Variants in RBMS3 observed in about 807,000 individuals in gnomAD.
The protein encoded by RBMS3 is RNA-binding motif, single-stranded-interacting protein 3.
Under a neutral mutation model 66.8 loss-of-function variants are expected in RBMS3, and 27 were observed. The observed-to-expected ratio is 0.40, with a 90% CI of 0.30 to 0.56. The LOEUF (loss-of-function observed/expected upper bound fraction) is 0.56, where lower values mean the gene tolerates loss of function less well. RBMS3 is among the 20% of genes least tolerant of loss of function. The probability of loss-of-function intolerance (pLI) is 0.40; values close to 1 mark genes in which losing one functional copy is unlikely to be tolerated. For missense variants in RBMS3, 513 were observed against 549.5 expected (o/e 0.93, Z 0.66); for synonymous variants, 188 against 183.0 (o/e 1.03, Z -0.22).
chr3:29,496,933 G>T (rs1384600655), intron 3 of RBMS3, among the ~76,000 whole-genome samples: 1 of 152,102 alleles, frequency 6.6e-6, no homozygotes, highest in African/African-American at 2.4e-5. Context: ...GCATCAACTT[G>T]TGTTCAATAG....
chr3:29,802,162 A>C (rs2057409555), intron 6 of RBMS3, among the ~76,000 whole-genome samples: 1 of 152,196 alleles, frequency 6.6e-6, no homozygotes, highest in Non-Finnish European at 1.5e-5. Flanking sequence ...CCTGACAGCA[A>C]GCCTGAGTAT....
At chr3:29,827,768 A>G (rs1467116051) in intron 6 of RBMS3, among the ~76,000 whole-genome samples, 1 of 152,196 alleles carries the variant, frequency 6.6e-6, no homozygotes, top group Non-Finnish European at 1.5e-5. Flanking sequence ...ACAATGAATG[A>G]ATCCAAACAG....
intron 1 of RBMS3, among the ~76,000 whole-genome samples, chr3:29,309,360 G>C (rs1042577984): frequency 1.3e-5 from 2 of 151,756 alleles, no homozygotes; most frequent in South Asian, 2.1e-4. Flanking sequence ...TTATCTTGAA[G>C]TTTAAAATAA....
At chr3:29,665,297 C>T (rs58194232) in intron 4 of RBMS3, among the ~76,000 whole-genome samples, 5,197 of 152,314 alleles carry the variant, frequency 0.034, 187 homozygotes, top group African/African-American at 0.086. Context: ...TCAAGGAAGA[C>T]ACAGCCAATT....
intron 4 of RBMS3, among the ~76,000 whole-genome samples, chr3:29,649,054 A>G (rs2050049191): frequency 6.6e-6 from 1 of 152,200 alleles, no homozygotes; most frequent in Non-Finnish European, 1.5e-5. Flanking sequence ...CAGAATTAAT[A>G]TGATTTTAAT....
At chr3:29,930,700 T>C (rs2061096624) in intron 10 of RBMS3, among the ~76,000 whole-genome samples, 1 of 151,864 alleles carries the variant, frequency 6.6e-6, no homozygotes, top group Non-Finnish European at 1.5e-5. Context: ...AAATGAAATA[T>C]GTACATATAC....
chr3:29,917,252 T>TA (rs1170697626), intron 10 of RBMS3, among the ~76,000 whole-genome samples: 4 of 152,082 alleles, frequency 2.6e-5, no homozygotes, highest in Admixed American at 2.0e-4. Flanking sequence ...CAGATTTTGG[T>TA]AAAAATAGCA....
At chr3:29,683,603 C>T (rs1043483187) in intron 4 of RBMS3, among the ~76,000 whole-genome samples, 1 of 152,176 alleles carries the variant, frequency 6.6e-6, no homozygotes, top group African/African-American at 2.4e-5. Flanking sequence ...CACACACACA[C>T]ACAAACACAC....
At chr3:29,303,808 C>T (rs2033832423) in intron 1 of RBMS3, among the ~76,000 whole-genome samples, 1 of 151,928 alleles carries the variant, frequency 6.6e-6, no homozygotes, top group Non-Finnish European at 1.5e-5. Context: ...ATAACCGACA[C>T]TGGGAAGAAA....
intron 1 of RBMS3, among the ~76,000 whole-genome samples, chr3:29,316,668 T>TACAAAA (rs1347121873): frequency 6.6e-6 from 1 of 151,484 alleles, no homozygotes; most frequent in African/African-American, 2.4e-5. Context: ...TTAATTATAT[T>TACAAAA]ACAAAAACAG....
intron 1 of RBMS3, among the ~76,000 whole-genome samples, chr3:29,325,156 A>G (rs1023276387): frequency 6.6e-6 from 1 of 152,208 alleles, no homozygotes; most frequent in Admixed American, 6.5e-5. Flanking sequence ...ATTAAGTTGT[A>G]AGTATCTCCA....
At chr3:29,816,480 GTTA>G (rs2057907081) in intron 6 of RBMS3, among the ~76,000 whole-genome samples, 1 of 152,106 alleles carries the variant, frequency 6.6e-6, no homozygotes, top group African/African-American at 2.4e-5. Context: ...AGCCTCTGCT[GTTA>G]TTATCATTTG....
intron 6 of RBMS3, among the ~76,000 whole-genome samples, chr3:29,821,696 G>A (rs1008036216): frequency 2.0e-5 from 3 of 152,180 alleles, no homozygotes; most frequent in Admixed American, 2.0e-4. Context: ...AATTCCAGGA[G>A]ATCTGAATCA....
intron 12 of RBMS3, among the ~76,000 whole-genome samples, chr3:29,961,878 G>A (rs1232159697): frequency 6.6e-6 from 1 of 150,918 alleles, no homozygotes; most frequent in Admixed American, 6.6e-5. Context: ...AATCAGGAGG[G>A]AGTTAAACTG....
At position 29,458,121 on chromosome 3, in the gene RBMS3, T is replaced by C. The variant is rs142868154; in HGVS notation, c.248+23206T>C. ...ATTAATTCACAGTTCATTATGATTATATATTTAAATTATTGACTCCCTTCC... is the reference window on the plus strand; with the variant it reads ...ATTAATTCACAGTTCATTATGATTACATATTTAAATTATTGACTCCCTTCC... On this transcript the variant is annotated intron_variant, in intron 2 of 14. Transcript: ENST00000383767. Among the ~76,000 whole-genome samples the C allele has an allele frequency of 4.5e-4, 68 of 152,334 alleles. 2 individuals carry two copies. The East Asian group carries it at 0.013, about 28-fold the overall frequency.
intron 8 of RBMS3, among the ~76,000 whole-genome samples, chr3:29,891,006 C>G (rs941944136): frequency 6.6e-6 from 1 of 151,522 alleles, no homozygotes; most frequent in Non-Finnish European, 1.5e-5. Flanking sequence ...GGAGAGGTGC[C>G]ACATCCTAGC....
intron 8 of RBMS3, among the ~76,000 whole-genome samples, chr3:29,887,962 A>G (rs2059911520): frequency 6.6e-6 from 1 of 151,716 alleles, no homozygotes; most frequent in Non-Finnish European, 1.5e-5. Context: ...GGGCAGTGCA[A>G]TTTTCAAGGC....
At chr3:29,775,530 G>T (rs970752422) in intron 6 of RBMS3, among the ~76,000 whole-genome samples, 3 of 152,000 alleles carry the variant, frequency 2.0e-5, no homozygotes, top group Non-Finnish European at 4.4e-5. Flanking sequence ...ACAATTTAGG[G>T]AGAGTTTAAG....
At chr3:29,992,611 G>A (rs1577341037) in intron 14 of RBMS3, among the ~76,000 whole-genome samples, 1 of 152,016 alleles carries the variant, frequency 6.6e-6, no homozygotes, top group Non-Finnish European at 1.5e-5. Flanking sequence ...CAAAAAAAAA[G>A]AACTATAGGT....
Sources: gnomAD v4.1 joint callset for allele counts (sites outside exome capture counted in the v4.1 genomes callset) on GRCh38, gnomAD v4.1.1 for gene constraint, MANE v1.5 for transcripts, NCBI Gene and HGNC (gene_info 2026-07-23, HGNC 2026-07-21) for gene names.